GPC5: variants seen among roughly 807,000 people sequenced by gnomAD.
The protein encoded by GPC5 is glypican-5.
Under a neutral mutation model 53.9 loss-of-function variants are expected in GPC5, and 47 were observed. The ratio of observed to expected loss-of-function variants is 0.87; its 90% CI spans 0.69 to 1.11. The LOEUF is 1.11. GPC5 is among the 50% of genes most tolerant of loss of function. GPC5 has a pLI of 0.00. For synonymous variants in GPC5, 286 were observed against 263.3 expected (o/e 1.09, Z -0.84); for missense variants, 748 against 713.1 (o/e 1.05, Z -0.56).
Position 92,385,365 on chromosome 13 carries a change from T to TATATACATATATACATATATAC in GPC5, c.1561+240381_1561+240382insCATATATACATATATACATATA, listed in dbSNP as rs1264865026. On this transcript the variant is annotated intron_variant, in intron 7 of 7. Transcript: ENST00000377067. Reference sequence around the variant, plus strand: ...ATATATACATATATACATATATACATATATATACATATATACATATATATA... The same window carrying TATATACATATATACATATATAC: ...ATATATACATATATACATATATACATATATACATATATACATATATACATATATACATATATACATATATATA... Among the ~76,000 whole-genome samples the TATATACATATATACATATATAC allele has an allele frequency of 3.4e-4, 16 of 46,762 alleles. 2 individuals carry two copies. Among genetic ancestry groups the TATATACATATATACATATATAC allele is most frequent in the Non-Finnish European group, 7.4e-4 (14 of 18,820 alleles). The allele number at this position is 46,762 out of a possible 152,430, so 30.7% of individuals were successfully genotyped here. A position where few individuals can be genotyped will look rare whatever the true frequency, so the allele number is the denominator to read the frequency against.
chr13:92,450,239 G>A (rs1482602801), intron 7 of GPC5, among the ~76,000 whole-genome samples: 3 of 152,074 alleles, frequency 2.0e-5, no homozygotes, highest in Admixed American at 6.6e-5. Context: ...AGTACAGGTC[G>A]AGTATCCTTT....
At chr13:91,993,502 A>T (rs961087321) in intron 6 of GPC5, among the ~76,000 whole-genome samples, 1 of 152,192 alleles carries the variant, frequency 6.6e-6, no homozygotes. Flanking sequence ...AGACAACAGA[A>T]TGATAATTTC....
intron 7 of GPC5, among the ~76,000 whole-genome samples, chr13:92,382,010 C>G (rs1460553323): frequency 1.3e-5 from 2 of 148,666 alleles, no homozygotes; most frequent in Non-Finnish European, 3.0e-5. Flanking sequence ...ATCTATATAT[C>G]TATCTGATAG....
intron 7 of GPC5, among the ~76,000 whole-genome samples, chr13:92,261,011 T>C (rs1005940071): frequency 3.3e-5 from 5 of 152,168 alleles, no homozygotes; most frequent in African/African-American, 9.6e-5. Context: ...ATCATAAAAA[T>C]TTCCAAAACT....
intron 7 of GPC5, among the ~76,000 whole-genome samples, chr13:92,456,688 T>C (rs1010068003): frequency 2.6e-5 from 4 of 152,154 alleles, no homozygotes; most frequent in African/African-American, 7.2e-5. Context: ...CTGTCACCTC[T>C]TTCTCTAATT....
chr13:91,931,908 T>C (rs2352195), intron 6 of GPC5, among the ~76,000 whole-genome samples: 80,928 of 151,742 alleles, frequency 0.53, 22,001 homozygotes, highest in East Asian at 0.73. Flanking sequence ...TCTCTGTTTA[T>C]AGACTCCGTT....
intron 3 of GPC5, among the ~76,000 whole-genome samples, chr13:91,698,084 G>A (rs2035920304): frequency 6.6e-6 from 1 of 151,918 alleles, no homozygotes; most frequent in South Asian, 2.1e-4. Flanking sequence ...TGTATCTTTA[G>A]TAGAGACGGG....
At chr13:92,797,792 A>G (rs1239787642) in intron 7 of GPC5, among the ~76,000 whole-genome samples, 2 of 151,242 alleles carry the variant, frequency 1.3e-5, no homozygotes. Flanking sequence ...AGATAGATCA[A>G]TAGATAGATA....
chr13:91,747,005 T>A (rs761916249), intron 4 of GPC5, among the ~76,000 whole-genome samples: 63 of 152,166 alleles, frequency 4.1e-4, no homozygotes, highest in Non-Finnish European at 6.2e-4. Flanking sequence ...AGTTTGCACA[T>A]AGCAAAAGCT....
intron 2 of GPC5, among the ~76,000 whole-genome samples, chr13:91,658,157 A>T (rs1407029393): frequency 6.6e-6 from 1 of 152,164 alleles, no homozygotes; most frequent in African/African-American, 2.4e-5. Flanking sequence ...AAGGGAAAAA[A>T]ATCAGATCTG....
chr13:91,817,342 A>G lies in GPC5; in HGVS notation c.1280+60922A>G, dbSNP rs562682527. Among the ~76,000 whole-genome samples the G allele has an allele frequency of 2.6e-5, 4 of 152,364 alleles. No individual in the cohort carries two copies. In the East Asian group the frequency reaches 7.7e-4, roughly 29 times the overall value. ...CAAATGTTACAAAAGAATCAGGATA[A>G]TAACTACATCTTTTGGAATCCTTCC... is the stretch of plus-strand genomic sequence containing the variant. On this transcript the variant is annotated intron_variant, in intron 5 of 7. Coordinates refer to ENST00000377067, the MANE Select transcript of GPC5 (RefSeq NM_004466.6).
intron 2 of GPC5, chr13:91,486,703 T>A (rs1317666339): frequency 6.6e-6 from 1 of 152,190 alleles, no homozygotes; most frequent in African/African-American, 2.4e-5. Flanking sequence ...CCCAATATAG[T>A]GATTTAAAAA....
intron 7 of GPC5, among the ~76,000 whole-genome samples, chr13:92,186,692 C>G (rs1400301630): frequency 6.6e-6 from 1 of 152,132 alleles, no homozygotes; most frequent in East Asian, 1.9e-4. Context: ...ACTGCATCGT[C>G]AAGGATTGGT....
At chr13:92,022,604 AAAT>A (rs905668173) in intron 6 of GPC5, among the ~76,000 whole-genome samples, 5 of 152,004 alleles carry the variant, frequency 3.3e-5, no homozygotes, top group African/African-American at 1.2e-4. Context: ...ATAAAAAATT[AAAT>A]AATAAAATAT....
chr13:92,309,385 A>C (rs1252256138), intron 7 of GPC5, among the ~76,000 whole-genome samples: 1 of 152,070 alleles, frequency 6.6e-6, no homozygotes, highest in Non-Finnish European at 1.5e-5. Flanking sequence ...AGATGTAATT[A>C]AACATATTAA....
intron 7 of GPC5, among the ~76,000 whole-genome samples, chr13:92,597,686 T>C (rs1352476996): frequency 6.6e-6 from 1 of 152,136 alleles, no homozygotes; most frequent in Admixed American, 6.5e-5. Flanking sequence ...ATTTTATTCA[T>C]TGACATTTTT....
intron 6 of GPC5, among the ~76,000 whole-genome samples, chr13:92,139,680 A>AAAAAAAAAATG (rs532196727): frequency 7.1e-6 from 1 of 140,808 alleles, no homozygotes; most frequent in African/African-American, 2.6e-5. Flanking sequence ...AAAAAAAAAA[A>AAAAAAAAAATG]AAAAAGTGTT....
intron 7 of GPC5, among the ~76,000 whole-genome samples, chr13:92,499,657 C>G (rs1441907045): frequency 6.6e-6 from 1 of 152,020 alleles, no homozygotes; most frequent in Non-Finnish European, 1.5e-5. Flanking sequence ...GCATAAAGTG[C>G]CAGAATCAAT....
chr13:91,792,508 T>A (rs535553234), intron 5 of GPC5, among the ~76,000 whole-genome samples: 1 of 152,342 alleles, frequency 6.6e-6, no homozygotes, highest in South Asian at 2.1e-4. Flanking sequence ...CCACTCTGAC[T>A]TTCACCCTTT....
Sources: gnomAD v4.1 joint callset for allele counts (sites outside exome capture counted in the v4.1 genomes callset) on GRCh38, gnomAD v4.1.1 for gene constraint, MANE v1.5 for transcripts, NCBI Gene and HGNC (gene_info 2026-07-23, HGNC 2026-07-21) for gene names.